Variants in FAM227B observed in about 807,000 individuals in gnomAD.
FAM227B encodes the protein family with sequence similarity 227 member B, also known as protein FAM227B.
FAM227B carries 88 observed loss-of-function variants against 73.8 expected under a neutral mutation model. That is an observed-to-expected ratio of 1.19 (90% CI 1.00 to 1.42). The LOEUF is 1.42. FAM227B is among the 40% of genes most tolerant of loss of function. The pLI, the probability that FAM227B is intolerant of heterozygous loss-of-function variation, is 0.00. For missense variants in FAM227B, 632 were observed against 590.9 expected, an observed-to-expected ratio of 1.07 and a Z score of -0.72; for synonymous variants, 210 against 190.5, an observed-to-expected ratio of 1.10 and a Z score of -0.84.
At chr15:49,339,508 A>G (rs28871982) in intron 13 of FAM227B, among the ~76,000 whole-genome samples, 14,298 of 152,140 alleles carry the variant, frequency 0.094, 2,034 homozygotes, top group African/African-American at 0.31. Context: ...TTCGTCCCAG[A>G]GGGGCACCCG....
chr15:49,499,250 T>C (rs1014374003), intron 11 of FAM227B, among the ~76,000 whole-genome samples: 1 of 148,144 alleles, frequency 6.8e-6, no homozygotes, highest in African/African-American at 2.5e-5. Flanking sequence ...CTGTCCTAAA[T>C]ATACATGCAC....
intron 11 of FAM227B, among the ~76,000 whole-genome samples, chr15:49,402,596 G>A (rs956357901): frequency 1.3e-5 from 2 of 152,120 alleles, no homozygotes; most frequent in South Asian, 2.1e-4. Context: ...CCTATTGTTT[G>A]TATATAGGAA....
Position 49,347,889 on chromosome 15 carries a change from G to C in FAM227B, c.1272-12393C>G, listed in dbSNP as rs1211590071. Reference sequence around the variant, plus strand: ...TACAAATTAGCTGGGCGTGGTGGCAGATGCCTGTAGTCCCAGCTACTCGGG... The same window carrying C: ...TACAAATTAGCTGGGCGTGGTGGCACATGCCTGTAGTCCCAGCTACTCGGG... On this transcript the variant is annotated intron_variant, in intron 13 of 15. Transcript: ENST00000299338. 4.0e-5 allele frequency among the ~76,000 whole-genome samples: 6 copies of C among 151,894 alleles called. No individual in the cohort carries two copies. In the East Asian group the frequency reaches 1.2e-3, roughly 29 times the overall value.
At chr15:49,395,836 CT>C (rs2151595326) in intron 11 of FAM227B, 1 of 421,442 alleles carries the variant, frequency 2.4e-6, no homozygotes, top group Non-Finnish European at 4.7e-6. Flanking sequence ...AAGAGTTAAA[CT>C]CAACACATTC....
intron 11 of FAM227B, among the ~76,000 whole-genome samples, chr15:49,467,130 G>A (rs556367236): frequency 3.3e-5 from 5 of 152,162 alleles, no homozygotes; most frequent in Admixed American, 2.0e-4. Context: ...TAAGTTTCAC[G>A]GAGTATATTA....
chr15:49,331,996 T>C (rs77913490), intron 14 of FAM227B, 147 bp from the exon 15 acceptor site: 10,832 of 619,268 alleles, frequency 0.017, 328 homozygotes, highest in East Asian at 0.062. Context: ...TTAAAACTTC[T>C]GAAGTAGGTA....
chr15:49,489,785 G>C (rs1446081844), intron 11 of FAM227B, among the ~76,000 whole-genome samples: 1 of 89,912 alleles, frequency 1.1e-5, no homozygotes, highest in Non-Finnish European at 2.4e-5. Context: ...TACAGAACAG[G>C]AGATATATAT....
At chr15:49,354,876 C>T (rs1336776478) in intron 13 of FAM227B, among the ~76,000 whole-genome samples, 70 of 152,008 alleles carry the variant, frequency 4.6e-4, no homozygotes, top group Admixed American at 1.0e-3. Context: ...GTTCTCCCAG[C>T]ATGCAGCTGG....
chr15:49,360,590 G>A (rs1346404871), intron 13 of FAM227B, among the ~76,000 whole-genome samples: 1 of 152,100 alleles, frequency 6.6e-6, no homozygotes, highest in Non-Finnish European at 1.5e-5. Flanking sequence ...TATGAAGGGA[G>A]AATTAGCAGC....
At chr15:49,439,807 G>A (rs2051464674) in intron 11 of FAM227B, among the ~76,000 whole-genome samples, 1 of 151,628 alleles carries the variant, frequency 6.6e-6, no homozygotes, top group African/African-American at 2.4e-5. Context: ...TGATTTGCTT[G>A]CTTAAAATCA....
At chr15:49,576,612 T>A in intron 7 of FAM227B, 129 bp downstream of exon 7, 3 of 623,086 alleles carry the variant, frequency 4.8e-6, no homozygotes, top group Non-Finnish European at 8.4e-6. Flanking sequence ...TGGTCTTTCC[T>A]GCCAAATTTA....
rs199728119 is a variant in FAM227B, at chr15:49,482,284, G to GAT, written c.1012+25925_1012+25926dup. Among the ~76,000 whole-genome samples the GAT allele has an allele frequency of 8.7e-3, 1,317 of 152,058 alleles. 32 individuals are homozygous for GAT. Among genetic ancestry groups the GAT allele is most frequent in the South Asian group, 0.069 (331 of 4,820 alleles). On this transcript the variant is annotated intron_variant, in intron 11 of 15. Transcript: ENST00000299338. ...TCATTAAAACACAGGATTTAAGGAA[G>GAT]ATATATATAATAAAGGAAAATAGTA...
At chr15:49,535,992 G>A (rs1207173113) in intron 10 of FAM227B, among the ~76,000 whole-genome samples, 1 of 144,520 alleles carries the variant, frequency 6.9e-6, no homozygotes, top group Admixed American at 7.2e-5. Context: ...TTTCCACTAA[G>A]ATCCAGTACA....
chr15:49,419,378 C>T (rs1224042955), intron 11 of FAM227B, among the ~76,000 whole-genome samples: 1 of 152,264 alleles, frequency 6.6e-6, no homozygotes, highest in East Asian at 1.9e-4. Context: ...CTTGGCATGA[C>T]CTTTTGAAAG....
At chr15:49,556,764 G>A (rs1300153858) in intron 9 of FAM227B, among the ~76,000 whole-genome samples, 1 of 152,144 alleles carries the variant, frequency 6.6e-6, no homozygotes, top group African/African-American at 2.4e-5. Flanking sequence ...AAGTCTCCTA[G>A]GGTAGCATGG....
chr15:49,508,383 T>C (rs768794231), intron 10 of FAM227B, 35 bp from the exon 11 acceptor site: 5 of 1,511,990 alleles, frequency 3.3e-6, no homozygotes, highest in African/African-American at 1.4e-5. Context: ...GCCAAATAAA[T>C]TTGGATTTTG....
intron 13 of FAM227B, chr15:49,366,638 C>T (rs2045241762): frequency 6.3e-7 from 1 of 1,578,328 alleles, no homozygotes; most frequent in Non-Finnish European, 8.7e-7. Flanking sequence ...CAGGAAGCCC[C>T]AGAGCAGGGC....
intron 10 of FAM227B, among the ~76,000 whole-genome samples, chr15:49,526,582 G>C (rs1212382302): frequency 6.6e-6 from 1 of 151,850 alleles, no homozygotes; most frequent in African/African-American, 2.4e-5. Context: ...TTAAGAAAGT[G>C]ATACAAAACA....
intron 11 of FAM227B, among the ~76,000 whole-genome samples, chr15:49,474,153 T>G (rs1352643297): frequency 6.6e-6 from 1 of 152,210 alleles, no homozygotes; most frequent in African/African-American, 2.4e-5. Flanking sequence ...ATTTATGGTC[T>G]ATATCAAGGA....
Sources: gnomAD v4.1 joint callset for allele counts (sites outside exome capture counted in the v4.1 genomes callset) on GRCh38, gnomAD v4.1.1 for gene constraint, MANE v1.5 for transcripts, NCBI Gene and HGNC (gene_info 2026-07-23, HGNC 2026-07-21) for gene names.